ASZ1: variants seen among roughly 807,000 people sequenced by gnomAD.
ASZ1 encodes ankyrin repeat, SAM and basic leucine zipper domain containing 1, also known as ankyrin repeat, SAM and basic leucine zipper domain-containing protein 1.
ASZ1 carries 67 observed loss-of-function variants against 61.8 expected under a neutral mutation model. The ratio of observed to expected loss-of-function variants is 1.08; its 90% CI spans 0.89 to 1.33. The LOEUF is 1.33. Among genes scored for constraint, ASZ1 ranks in the 40% most tolerant of loss-of-function variants. ASZ1 has a pLI of 0.00. For synonymous variants in ASZ1, 193 were observed against 192.7 expected (o/e 1.00, Z -0.01); for missense variants, 577 against 554.5 (o/e 1.04, Z -0.41).
chr7:117,385,436 T>A (rs567625788), intron 5 of ASZ1, among the ~76,000 whole-genome samples: 17 of 152,100 alleles, frequency 1.1e-4, no homozygotes, highest in African/African-American at 4.1e-4. Context: ...ATTTTTTGTA[T>A]TTTTAGTAGA....
rs187330598 is a variant in ASZ1, at chr7:117,421,297, C to T, written c.328+940G>A. On this transcript the variant is annotated intron_variant, in intron 3 of 12. Coordinates refer to ENST00000284629, the MANE Select transcript of ASZ1 (RefSeq NM_130768.3). ...GCATGATCATAACTCACTGCAACCT[C>T]GAACTCCTGGGTTCAAGCAGTCCTC... Among the ~76,000 whole-genome samples, 13 of 152,216 alleles carry T rather than the reference C, an allele frequency of 8.5e-5. No individual in the cohort carries two copies. The East Asian group carries it at 2.1e-3, about 25-fold the overall frequency.
chr7:117,402,592 T>G (rs1796700465), intron 4 of ASZ1, among the ~76,000 whole-genome samples: 1 of 152,180 alleles, frequency 6.6e-6, no homozygotes, highest in Admixed American at 6.5e-5. Context: ...GACTTTAGTT[T>G]GTTTAAAGGC....
intron 4 of ASZ1, among the ~76,000 whole-genome samples, chr7:117,397,008 A>G (rs1796588255): frequency 1.3e-5 from 2 of 151,690 alleles, no homozygotes; most frequent in East Asian, 3.8e-4. Context: ...CATCTACAAC[A>G]TGTATTAAAA....
chr7:117,371,406 T>C (rs917601958), intron 10 of ASZ1, among the ~76,000 whole-genome samples: 8 of 152,252 alleles, frequency 5.3e-5, no homozygotes, highest in African/African-American at 1.9e-4. Context: ...ATAATACATA[T>C]AATCAAGTCA....
At chr7:117,388,825 G>A (rs1204443002) in intron 4 of ASZ1, among the ~76,000 whole-genome samples, 2 of 152,210 alleles carry the variant, frequency 1.3e-5, no homozygotes, top group South Asian at 2.1e-4. Flanking sequence ...TAGGCCTCCA[G>A]ATGGGAAAAA....
intron 12 of ASZ1, among the ~76,000 whole-genome samples, chr7:117,366,615 A>T (rs1003684928): frequency 2.0e-5 from 3 of 151,798 alleles, no homozygotes; most frequent in African/African-American, 4.8e-5. Flanking sequence ...AATTTTTTTT[A>T]AAGTGGAAAA....
chr7:117,410,581 T>C (rs1584739278), intron 4 of ASZ1, among the ~76,000 whole-genome samples: 1 of 151,592 alleles, frequency 6.6e-6, no homozygotes, highest in East Asian at 1.9e-4. Context: ...GGAGGGATTC[T>C]TGTTGAGAAT....
At chr7:117,425,715 G>A (rs1797191071) in intron 2 of ASZ1, among the ~76,000 whole-genome samples, 1 of 151,862 alleles carries the variant, frequency 6.6e-6, no homozygotes. Context: ...TCTGGCTGGG[G>A]GCGGTGGCTC....
intron 4 of ASZ1, among the ~76,000 whole-genome samples, chr7:117,401,419 T>A (rs1796678851): frequency 6.7e-6 from 1 of 149,856 alleles, no homozygotes. Context: ...ACAGAAAATA[T>A]TAAAAACAAC....
intron 4 of ASZ1, among the ~76,000 whole-genome samples, chr7:117,419,635 A>G (rs1317949796): frequency 6.6e-6 from 1 of 152,196 alleles, no homozygotes; most frequent in Non-Finnish European, 1.5e-5. Flanking sequence ...AATCTGATTC[A>G]TTTTTATTAC....
intron 4 of ASZ1, among the ~76,000 whole-genome samples, chr7:117,418,383 G>A (rs535480515): frequency 3.3e-5 from 5 of 152,248 alleles, no homozygotes; most frequent in African/African-American, 7.2e-5. Flanking sequence ...GGCCGGGTGC[G>A]GTGGCTCATG....
intron 4 of ASZ1, among the ~76,000 whole-genome samples, chr7:117,400,376 G>A (rs1796656942): frequency 6.6e-6 from 1 of 152,206 alleles, no homozygotes; most frequent in African/African-American, 2.4e-5. Flanking sequence ...AAGGTTGCCA[G>A]AACAGGAGAA....
intron 4 of ASZ1, among the ~76,000 whole-genome samples, chr7:117,397,756 T>A (rs992872499): frequency 1.3e-5 from 2 of 152,236 alleles, no homozygotes; most frequent in African/African-American, 4.8e-5. Context: ...CACAGCCTAG[T>A]AACAAAGGAT....
intron 4 of ASZ1, among the ~76,000 whole-genome samples, chr7:117,389,128 T>C (rs1467171929): frequency 3.9e-5 from 6 of 152,138 alleles, no homozygotes; most frequent in Non-Finnish European, 8.8e-5. Context: ...TGTATTTGAA[T>C]ATATCTGACT....
rs1478644853 is a variant in ASZ1 at position 117,422,394 on chromosome 7, TACC to T, written c.206-38_206-36del. On this transcript the variant is annotated intron_variant, in intron 2 of 12. Coordinates refer to ENST00000284629, the MANE Select transcript of ASZ1 (RefSeq NM_130768.3). ...TAAAAACAAGCTTTTAAAAGCACAC[TACC>T]ACCAAAGAAAAAAATCAGTCACCTT... The T allele has an allele frequency of 6.9e-6, 11 of 1,602,164 alleles. 1 individual carries two copies. In the South Asian group the frequency reaches 1.2e-4, roughly 18 times the overall value.
At chr7:117,414,158 A>G (rs1185933375) in intron 4 of ASZ1, among the ~76,000 whole-genome samples, 1 of 152,212 alleles carries the variant, frequency 6.6e-6, no homozygotes, top group Non-Finnish European at 1.5e-5. Flanking sequence ...ACGATAGATG[A>G]GAGATTTTCT....
chr7:117,386,179 T>C (rs1796352702), intron 4 of ASZ1, among the ~76,000 whole-genome samples: 1 of 152,206 alleles, frequency 6.6e-6, no homozygotes, highest in African/African-American at 2.4e-5. Flanking sequence ...ATAAGGTCCC[T>C]GCCCTCAAAG....
intron 4 of ASZ1, among the ~76,000 whole-genome samples, chr7:117,414,418 TA>T (rs1252092946): frequency 6.6e-6 from 1 of 152,208 alleles, no homozygotes; most frequent in Admixed American, 6.5e-5. Context: ...AGATGAGAAT[TA>T]CTCCTTTAAT....
intron 4 of ASZ1, among the ~76,000 whole-genome samples, chr7:117,398,100 TTTATATACA>T: frequency 6.6e-6 from 1 of 152,256 alleles, no homozygotes; most frequent in Non-Finnish European, 1.5e-5. Context: ...ATGTCATATT[TTTATATACA>T]GTTCAGTATT....
Sources: allele counts gnomAD v4.1 joint callset (sites outside exome capture counted in the v4.1 genomes callset), GRCh38; gene constraint gnomAD v4.1.1; transcripts MANE v1.5; gene names NCBI Gene and HGNC (gene_info 2026-07-23, HGNC 2026-07-21).